The following RNF150 variants were observed in gnomAD, a reference collection of about 807,000 sequenced individuals.
The protein encoded by RNF150 is ring finger protein 150.
RNF150 carries 24 observed loss-of-function variants against 39.3 expected under a neutral mutation model. The ratio of observed to expected loss-of-function variants is 0.61; its 90% CI spans 0.44 to 0.86. The LOEUF (loss-of-function observed/expected upper bound fraction) is 0.86. Among genes scored for constraint, RNF150 ranks in the 40% least tolerant of loss-of-function variants. The pLI, the probability that RNF150 is intolerant of heterozygous loss-of-function variation, is 0.00. For synonymous variants in RNF150, 255 were observed against 227.3 expected (o/e 1.12, Z -1.10); for missense variants, 502 against 587.8 (o/e 0.85, Z 1.51).
intron 5 of RNF150, among the ~76,000 whole-genome samples, chr4:140,912,202 G>T (rs1730634458): frequency 1.3e-5 from 2 of 152,190 alleles, no homozygotes; most frequent in African/African-American, 4.8e-5. Flanking sequence ...TTTTATCTCA[G>T]TTCTGCTGGT....
At chr4:140,881,051 C>A (rs931880011) in intron 6 of RNF150, among the ~76,000 whole-genome samples, 9 of 151,942 alleles carry the variant, frequency 5.9e-5, no homozygotes, top group Non-Finnish European at 1.2e-4. Flanking sequence ...TGAAATTCTG[C>A]TAATTTTGAA....
chr4:141,197,392 A>C (rs1728217932), intron 1 of RNF150, among the ~76,000 whole-genome samples: 1 of 152,202 alleles, frequency 6.6e-6, no homozygotes, highest in Non-Finnish European at 1.5e-5. Flanking sequence ...GTATGAGAGA[A>C]GATAAATGGC....
chr4:140,966,802 T>C (rs1463561716), intron 2 of RNF150, among the ~76,000 whole-genome samples: 1 of 152,206 alleles, frequency 6.6e-6, no homozygotes, highest in African/African-American at 2.4e-5. Context: ...AAAATGTATA[T>C]GCCATTGCCC....
intron 1 of RNF150, among the ~76,000 whole-genome samples, chr4:141,158,454 C>T (rs1311621384): frequency 4.8e-5 from 3 of 63,088 alleles, no homozygotes; most frequent in Non-Finnish European, 9.9e-5. Flanking sequence ...GAGAACTTGT[C>T]ACTCTTTCAA....
chr4:141,152,424 T>G (rs2111143152), intron 1 of RNF150, among the ~76,000 whole-genome samples: 1 of 152,358 alleles, frequency 6.6e-6, no homozygotes, highest in South Asian at 2.1e-4. Context: ...ATGAACTATC[T>G]GAATATTATT....
chr4:141,032,844 T>G (rs543891252), intron 1 of RNF150, among the ~76,000 whole-genome samples: 45 of 152,302 alleles, frequency 3.0e-4, no homozygotes, highest in African/African-American at 9.6e-4. Flanking sequence ...TACAATAACA[T>G]AATGTCTAAA....
rs1335041417 is a variant in RNF150 at position 141,197,297 on chromosome 4, C to T, written c.-6+15497G>A. ...TTATGCAATAACAAATTTAGTTTTA[C>T]ATGTTAGGTACATAATTACTTAATT... On this transcript the variant is annotated intron_variant, in intron 1 of 7. Transcript: ENST00000420921. Among the ~76,000 whole-genome samples, 3 of 152,134 alleles carry T rather than the reference C, an allele frequency of 2.0e-5. No homozygotes were observed. The East Asian group carries it at 5.8e-4, about 29-fold the overall frequency.
At position 140,864,540 on chromosome 4, in the gene RNF150, C is replaced by A. The variant is rs1002840866; in HGVS notation, c.*3721G>T. ...GTAGAGACCGGATGATCACAGGCCC[C>A]CAAAGATTCTTTTTCAAGAAGGCCA... is the stretch of plus-strand genomic sequence containing the variant. On this transcript the variant is annotated 3_prime_UTR_variant, in exon 7 of 7. Coordinates refer to ENST00000515673, the MANE Select transcript of RNF150 (RefSeq NM_020724.2). 1.3e-5 allele frequency: 2 copies of A among 152,138 alleles called. No individual in the cohort carries two copies. Among genetic ancestry groups the A allele is most frequent in the East Asian group, 1.9e-4 (1 of 5,184 alleles). 9.4% of individuals were successfully genotyped at this position (152,138 alleles called of 1,614,324 possible).
At chr4:140,941,038 A>C (rs1214207171) in intron 4 of RNF150, among the ~76,000 whole-genome samples, 1 of 152,222 alleles carries the variant, frequency 6.6e-6, no homozygotes, top group Admixed American at 6.5e-5. Flanking sequence ...GGAAGATTCA[A>C]GTATCCAAAA....
intron 2 of RNF150, among the ~76,000 whole-genome samples, chr4:140,956,171 G>T (rs1354016089): frequency 6.6e-6 from 1 of 152,132 alleles, no homozygotes; most frequent in Non-Finnish European, 1.5e-5. Flanking sequence ...CAGTCCTTGT[G>T]TCTGAGATGA....
Position 140,967,625 on chromosome 4 carries a change from G to C in RNF150, c.733C>G (p.Gln245Glu). The change falls in exon 2 of 7, where the codon CAG (glutamine) becomes GAG (glutamate). Residue 245 changes from glutamine (Q) to glutamate (E), a missense_variant and splice_region_variant. Transcript: ENST00000515673. Reference protein sequence around the residue: ...FRYANARDRNQRRLGDAAKKA... With the variant: ...FRYANARDRNERRLGDAAKKA... The stretch of plus-strand genomic sequence containing the variant: ...TTTTTTAACTTTTTGCTACTCACCT[G>C]GTTCCTATCCCTGGCATTTGCATAT... 6.2e-7 allele frequency: 1 copy of C among 1,602,942 alleles called. No homozygotes were observed. The highest frequency in any genetic ancestry group is 1.1e-5 in the South Asian group (1 of 90,526).
At chr4:141,144,853 G>T (rs1727175488) in intron 1 of RNF150, among the ~76,000 whole-genome samples, 1 of 152,104 alleles carries the variant, frequency 6.6e-6, no homozygotes, top group Non-Finnish European at 1.5e-5. Flanking sequence ...GTAGAAGGAA[G>T]GAAGGAAGGA....
chr4:141,131,345 TG>T (rs1726887224), intron 1 of RNF150, among the ~76,000 whole-genome samples: 1 of 152,250 alleles, frequency 6.6e-6, no homozygotes, highest in African/African-American at 2.4e-5. Flanking sequence ...GAAACCCCTT[TG>T]GGGAAGGAGG....
chr4:140,953,882 G>A (rs1276995497), intron 2 of RNF150, among the ~76,000 whole-genome samples: 1 of 152,264 alleles, frequency 6.6e-6, no homozygotes. Flanking sequence ...TTTTGTAATT[G>A]ATCTCTTCTG....
chr4:141,087,290 T>C (rs1379371665), intron 1 of RNF150, among the ~76,000 whole-genome samples: 1 of 152,224 alleles, frequency 6.6e-6, no homozygotes, highest in Admixed American at 6.5e-5. Context: ...TCCAGCTTCA[T>C]CCATGTTTCT....
chr4:140,889,046 T>G (rs979585271), intron 6 of RNF150, among the ~76,000 whole-genome samples: 1 of 152,142 alleles, frequency 6.6e-6, no homozygotes, highest in African/African-American at 2.4e-5. Context: ...CAGTTTGTTT[T>G]TTTTTTTAAA....
rs181791440 is a variant in RNF150, at chr4:141,204,549, A to G, written c.-6+8245T>C. Among the ~76,000 whole-genome samples, 12 of 152,216 alleles carry G rather than the reference A, an allele frequency of 7.9e-5. No homozygotes were observed. In the East Asian group the frequency reaches 2.1e-3, roughly 27 times the overall value. The stretch of plus-strand genomic sequence containing the variant: ...CCCATCTCCTCCCTTTCCTATGAGT[A>G]TGTGCCATTTAAGTTGAGCTATTTT... On this transcript the variant is annotated intron_variant, in intron 1 of 7. Transcript: ENST00000420921.
chr4:140,903,164 C>T (rs1192343236), intron 6 of RNF150, among the ~76,000 whole-genome samples: 2 of 152,196 alleles, frequency 1.3e-5, no homozygotes. Flanking sequence ...CAAGGTCACA[C>T]AGCTAACTGG....
chr4:140,997,808 C>T (rs1357547208), intron 1 of RNF150, among the ~76,000 whole-genome samples: 1 of 149,488 alleles, frequency 6.7e-6, no homozygotes, highest in Non-Finnish European at 1.5e-5. Context: ...TAGAAGTATG[C>T]TATATTTATG....
Sources: gnomAD v4.1 joint callset for allele counts (sites outside exome capture counted in the v4.1 genomes callset) on GRCh38, gnomAD v4.1.1 for gene constraint, MANE v1.5 for transcripts, NCBI Gene and HGNC (gene_info 2026-07-23, HGNC 2026-07-21) for gene names.